PGGT1B: variants seen among roughly 807,000 people sequenced by gnomAD.
PGGT1B encodes the protein protein geranylgeranyltransferase type I subunit beta.
PGGT1B carries 30 observed loss-of-function variants against 46.1 expected under a neutral mutation model. That is an observed-to-expected ratio of 0.65 (90% CI 0.49 to 0.88). The LOEUF is 0.88. Ranked by LOEUF, PGGT1B falls within the 40% of genes least tolerant of loss-of-function variation. PGGT1B has a pLI of 0.00. For missense variants in PGGT1B, 376 were observed against 455.9 expected (o/e 0.82, Z 1.60); for synonymous variants, 170 against 160.0 (o/e 1.06, Z -0.47).
chr5:115,207,561 T>C lies in PGGT1B; in HGVS notation c.*4841A>G, dbSNP rs1271683308. ...TCTGACACCATACATAGATGCTGTCTGTTTTGAACTTCACCGAAATGGAAT... is the reference window on the plus strand; with the variant it reads ...TCTGACACCATACATAGATGCTGTCCGTTTTGAACTTCACCGAAATGGAAT... On this transcript the variant is annotated 3_prime_UTR_variant, in exon 9 of 9. Coordinates refer to ENST00000419445, the MANE Select transcript of PGGT1B (RefSeq NM_005023.4). 1.3e-5 allele frequency: 2 copies of C among 152,052 alleles called. No homozygotes were observed. The highest frequency in any genetic ancestry group is 2.9e-5 in the Non-Finnish European group (2 of 67,938). 9.4% of individuals were successfully genotyped at this position (152,052 alleles called of 1,614,324 possible).
chr5:115,253,322 C>A (rs1748183658), intron 1 of PGGT1B, 67 bp from the exon 2 acceptor site: 2 of 1,269,530 alleles, frequency 1.6e-6, no homozygotes, highest in Non-Finnish European at 2.2e-6. Flanking sequence ...TCTTCCTGGT[C>A]TAGAAAAATA....
At chr5:115,247,873 C>G (rs968336723) in intron 2 of PGGT1B, among the ~76,000 whole-genome samples, 3 of 152,160 alleles carry the variant, frequency 2.0e-5, no homozygotes, top group African/African-American at 7.2e-5. Context: ...GTGGAATGGT[C>G]TACCAGACAT....
Position 115,205,961 on chromosome 5 carries a change from A to G in PGGT1B, c.*6441T>C, listed in dbSNP as rs966228528. 1 of 151,898 alleles carries G rather than the reference A, an allele frequency of 6.6e-6. No homozygotes were observed. Among genetic ancestry groups the G allele is most frequent in the African/African-American group, 2.4e-5 (1 of 41,384 alleles). 9.4% of individuals were successfully genotyped at this position (151,898 alleles called of 1,614,324 possible). On this transcript the variant is annotated 3_prime_UTR_variant, in exon 9 of 9. Transcript: ENST00000419445. ...TTAATCAGTGCCTCATTTGCCATTA[A>G]AATGGTAAAAAGTGCAATTACTTAT...
chr5:115,220,293 A>G (rs1026095853), intron 7 of PGGT1B, among the ~76,000 whole-genome samples: 1 of 151,920 alleles, frequency 6.6e-6, no homozygotes, highest in Admixed American at 6.6e-5. Flanking sequence ...ATTTTGATAT[A>G]TGCCATGTCA....
rs756147506 is a variant in PGGT1B, at chr5:115,216,985, T to C, written c.844-12A>G. ...AAAATTTTTAGAAGCTGAAATGACA[T>C]GACAAATAAAAATTTACTGACATAA... On this transcript the variant is annotated splice_polypyrimidine_tract_variant and intron_variant, in intron 7 of 8. Coordinates refer to ENST00000419445, the MANE Select transcript of PGGT1B (RefSeq NM_005023.4). 2.6e-6 allele frequency: 3 copies of C among 1,159,318 alleles called. No homozygotes were observed. Among genetic ancestry groups the C allele is most frequent in the Admixed American group, 1.8e-5 (1 of 55,522 alleles). 71.8% of individuals were successfully genotyped at this position (1,159,318 alleles called of 1,614,324 possible). A position where few individuals can be genotyped will look rare whatever the true frequency, so the allele number is the denominator to read the frequency against.
Position 115,232,493 on chromosome 5 carries a change from C to A in PGGT1B, c.613-1472G>T, listed in dbSNP as rs541160143. 4.9e-4 allele frequency among the ~76,000 whole-genome samples: 74 copies of A among 152,108 alleles called. 1 individual carries two copies. The highest frequency in any genetic ancestry group is 3.4e-3 in the Middle Eastern group (1 of 294). ...GAAGAAGGCAATATTCACAATATTT[C>A]TAATGTTTTAAATTATAGTATACCA... is the stretch of plus-strand genomic sequence containing the variant. On this transcript the variant is annotated intron_variant, in intron 5 of 8. Transcript: ENST00000419445.
chr5:115,245,636 T>C (rs541869496), intron 2 of PGGT1B, among the ~76,000 whole-genome samples: 5 of 152,228 alleles, frequency 3.3e-5, no homozygotes, highest in East Asian at 1.9e-4. Flanking sequence ...AATCAGTTAA[T>C]TGTATTTTAT....
At chr5:115,243,501 G>C (rs1757413399) in intron 2 of PGGT1B, among the ~76,000 whole-genome samples, 1 of 152,138 alleles carries the variant, frequency 6.6e-6, no homozygotes, top group Admixed American at 6.5e-5. Flanking sequence ...TATCAACAAA[G>C]ACTGGAAGGG....
intron 2 of PGGT1B, chr5:115,252,813 G>A (rs1193226189): frequency 5.7e-6 from 1 of 176,496 alleles, no homozygotes; most frequent in Non-Finnish European, 1.2e-5. Context: ...GAAAAACAGA[G>A]TTAATGCTAC....
At chr5:115,240,901 T>C (rs10076833) in intron 3 of PGGT1B, among the ~76,000 whole-genome samples, 59,610 of 152,038 alleles carry the variant, frequency 0.39, 12,537 homozygotes, top group East Asian at 0.53. Context: ...TGTGTACATA[T>C]GGAACACCTA....
chr5:115,238,291 A>ATTTTTTTT lies in PGGT1B; in HGVS notation c.328-290_328-283dup, dbSNP rs35711954. ...AATTATGTATTACTTATTTTTTTGGATTTTTTTTTTTTTTTTTTTTTTTTT... is the reference window on the plus strand; with the variant it reads ...AATTATGTATTACTTATTTTTTTGGATTTTTTTTTTTTTTTTTTTTTTTTTTTTTTTTT... On this transcript the variant is annotated intron_variant, in intron 3 of 8. Transcript: ENST00000419445. Among the ~76,000 whole-genome samples, 249 of 46,956 alleles carry ATTTTTTTT rather than the reference A, an allele frequency of 5.3e-3. 41 individuals are homozygous for ATTTTTTTT. Among genetic ancestry groups the ATTTTTTTT allele is most frequent in the African/African-American group, 0.017 (220 of 12,882 alleles). The allele number at this position is 46,956 out of a possible 152,430, so 30.8% of individuals were successfully genotyped here. A position where few individuals can be genotyped will look rare whatever the true frequency, so the allele number is the denominator to read the frequency against.
At chr5:115,217,034 A>G (rs755155805) in intron 7 of PGGT1B, 61 bp from the exon 8 acceptor site, 4 of 762,220 alleles carry the variant, frequency 5.2e-6, no homozygotes, top group Non-Finnish European at 9.3e-6. Context: ...CTTTGGCTCA[A>G]ATTTCAGATA....
chr5:115,251,579 A>G lies in PGGT1B; in HGVS notation c.259+1558T>C, dbSNP rs185594815. On this transcript the variant is annotated intron_variant, in intron 2 of 8. Coordinates refer to ENST00000419445, the MANE Select transcript of PGGT1B (RefSeq NM_005023.4). Reference sequence around the variant, plus strand: ...AGGAAGCATGGTGAGTAAGTGACCAATGGTCTGGAAACTATAACCTACAGC... The same window carrying G: ...AGGAAGCATGGTGAGTAAGTGACCAGTGGTCTGGAAACTATAACCTACAGC... Among the ~76,000 whole-genome samples the G allele has an allele frequency of 2.0e-5, 3 of 152,236 alleles. No individual in the cohort carries two copies. In the East Asian group the frequency reaches 5.8e-4, roughly 29 times the overall value.
intron 5 of PGGT1B, chr5:115,231,482 C>T (rs552733758): frequency 1.3e-5 from 2 of 152,176 alleles, no homozygotes; most frequent in South Asian, 2.1e-4. Context: ...TCCCCACATA[C>T]ACTCCAAAAT....
intron 3 of PGGT1B, 33 bp downstream of exon 3, chr5:115,241,506 C>T (rs1269778974): frequency 1.4e-6 from 2 of 1,398,270 alleles, no homozygotes; most frequent in Non-Finnish European, 9.8e-7. Context: ...CCCTACATCC[C>T]TTCTACTTCC....
rs1410740244 is a variant in PGGT1B, at chr5:115,207,247, T to C, written c.*5155A>G. On this transcript the variant is annotated 3_prime_UTR_variant, in exon 9 of 9. Coordinates refer to ENST00000419445, the MANE Select transcript of PGGT1B (RefSeq NM_005023.4). ...TTTAGTAAACATTTTTACTGAGCTATAATTATACATACAGAAAAGTGCACA... is the reference window on the plus strand; with the variant it reads ...TTTAGTAAACATTTTTACTGAGCTACAATTATACATACAGAAAAGTGCACA... 1.4e-5 allele frequency: 2 copies of C among 145,134 alleles called. No individual in the cohort carries two copies. The highest frequency in any genetic ancestry group is 4.3e-4 in the South Asian group (2 of 4,616). 9.0% of individuals were successfully genotyped at this position (145,134 alleles called of 1,614,324 possible).
chr5:115,257,531 A>AAAT, intron 1 of PGGT1B, among the ~76,000 whole-genome samples: 1 of 29,810 alleles, frequency 3.4e-5, no homozygotes, highest in Non-Finnish European at 6.4e-5. Flanking sequence ...ACTCCATCTC[A>AAAT]AAAAAAAAAA....
intron 6 of PGGT1B, among the ~76,000 whole-genome samples, chr5:115,223,783 A>T (rs947919336): frequency 1.3e-5 from 2 of 152,246 alleles, no homozygotes; most frequent in African/African-American, 4.8e-5. Flanking sequence ...TTTCCATATA[A>T]GAAAACAAAC....
chr5:115,260,303 T>G (rs74813806), intron 1 of PGGT1B, among the ~76,000 whole-genome samples: 1 of 152,194 alleles, frequency 6.6e-6, no homozygotes, highest in Non-Finnish European at 1.5e-5. Context: ...AGCTTTTTCA[T>G]ACCTATTGGT....
Sources: gnomAD v4.1 joint callset for allele counts (sites outside exome capture counted in the v4.1 genomes callset) on GRCh38, gnomAD v4.1.1 for gene constraint, MANE v1.5 for transcripts, NCBI Gene and HGNC (gene_info 2026-07-23, HGNC 2026-07-21) for gene names.